Variants in MARK2 observed in about 807,000 individuals in gnomAD.
The protein encoded by MARK2 is microtubule affinity regulating kinase 2.
In MARK2, 16 loss-of-function variants were observed where a neutral mutation model predicts 89.8. The observed-to-expected ratio is 0.18, with a 90% confidence interval of 0.12 to 0.27. The LOEUF (loss-of-function observed/expected upper bound fraction) is 0.27. Ranked by LOEUF, MARK2 falls within the 10% of genes least tolerant of loss-of-function variation. MARK2 has a pLI of 1.00. For missense variants in MARK2, 621 were observed against 1,049.9 expected, an observed-to-expected ratio of 0.59 and a Z score of 5.65; for synonymous variants, 382 against 399.5, an observed-to-expected ratio of 0.96 and a Z score of 0.52.
intron 1 of MARK2, among the ~76,000 whole-genome samples, chr11:63,852,022 T>C (rs1032409542): frequency 6.6e-6 from 1 of 152,318 alleles, no homozygotes; most frequent in Non-Finnish European, 1.5e-5. Flanking sequence ...CTCTTTCAGG[T>C]GATGCACGAA....
At chr11:63,847,807 G>A (rs1231236958) in intron 1 of MARK2, among the ~76,000 whole-genome samples, 1 of 152,106 alleles carries the variant, frequency 6.6e-6, no homozygotes, top group African/African-American at 2.4e-5. Context: ...TCACAACTTG[G>A]TGAAAGACCC....
At chr11:63,839,594 G>A in intron 1 of MARK2, 34 bp downstream of exon 1, 1 of 1,420,802 alleles carries the variant, frequency 7.0e-7, no homozygotes, top group Non-Finnish European at 9.6e-7. Flanking sequence ...GAATTCTCTG[G>A]CTGGGCCCTT....
rs986202944 is a variant in MARK2, at chr11:63,903,403, A to G, written c.1514+245A>G. The G allele has an allele frequency of 2.9e-5, 15 of 519,812 alleles. No homozygotes were observed. The highest frequency in any genetic ancestry group is 5.8e-5 in the African/African-American group (3 of 51,928). The allele number at this position is 519,812 out of a possible 1,614,324, so 32.2% of individuals were successfully genotyped here. Reference sequence around the variant, plus strand: ...GGCTGACCGTGGCCATCTCAGCTACATGCTCGCTTCTTGACCACGGCCAGG... The same window carrying G: ...GGCTGACCGTGGCCATCTCAGCTACGTGCTCGCTTCTTGACCACGGCCAGG... On this transcript the variant is annotated intron_variant, in intron 14 of 18. Transcript: ENST00000402010. The surrounding 1 kb of genome is among the most constrained non-coding windows in gnomAD (Gnocchi z 5.1).
At chr11:63,842,063 T>C (rs1333056961) in intron 1 of MARK2, among the ~76,000 whole-genome samples, 2 of 152,182 alleles carry the variant, frequency 1.3e-5, no homozygotes, top group Non-Finnish European at 2.9e-5. Context: ...TTCTACTCTT[T>C]ATGGACTTAG....
intron 1 of MARK2, among the ~76,000 whole-genome samples, chr11:63,874,981 C>T: frequency 6.6e-6 from 1 of 152,224 alleles, no homozygotes; most frequent in East Asian, 1.9e-4. Context: ...GAGACTGTCT[C>T]ACTCTGTCGC....
intron 1 of MARK2, among the ~76,000 whole-genome samples, chr11:63,872,729 A>C (rs1938525715): frequency 6.6e-6 from 1 of 152,168 alleles, no homozygotes; most frequent in Admixed American, 6.5e-5. Flanking sequence ...CACGTTCTCC[A>C]AAATTCTTAT....
intron 7 of MARK2, 26 bp downstream of exon 7, chr11:63,899,134 C>T: frequency 2.6e-6 from 4 of 1,543,050 alleles, no homozygotes; most frequent in Non-Finnish European, 3.6e-6. Context: ...CTCCTTGTGC[C>T]TTTGAGTGGG....
At chr11:63,886,029 T>C (rs1939375525) in intron 1 of MARK2, among the ~76,000 whole-genome samples, 1 of 151,222 alleles carries the variant, frequency 6.6e-6, no homozygotes. Context: ...CTCGGGAGGC[T>C]GAGGCAGGAG....
Position 63,908,323 on chromosome 11 carries a change from G to C in MARK2, c.2006+19G>C, listed in dbSNP as rs1252912126. ...CGCTCAGGTGAGAGGGCTGGAGCCA[G>C]CACTGGCCCTGCCCGGGCCACCGGG... On this transcript the variant is annotated intron_variant, in intron 18 of 18. Transcript: ENST00000402010. The C allele has an allele frequency of 3.2e-6, 5 of 1,554,762 alleles. No homozygotes were observed. Among genetic ancestry groups the C allele is most frequent in the African/African-American group, 1.4e-5 (1 of 73,388 alleles).
At chr11:63,888,406 G>T in intron 1 of MARK2, 1 of 395,994 alleles carries the variant, frequency 2.5e-6, no homozygotes, top group Non-Finnish European at 3.5e-6. Flanking sequence ...GACAGCCGTG[G>T]CTGCAGTGAG....
chr11:63,868,547 C>A, intron 1 of MARK2: 1 of 305,046 alleles, frequency 3.3e-6, no homozygotes, highest in Non-Finnish European at 6.6e-6. Flanking sequence ...AAATTTACAC[C>A]ATTGCTGGAT....
chr11:63,869,798 T>A (rs1215405647), intron 1 of MARK2, among the ~76,000 whole-genome samples: 1 of 152,152 alleles, frequency 6.6e-6, no homozygotes, highest in Non-Finnish European at 1.5e-5. Flanking sequence ...TTGACATAAG[T>A]CAAGGTCAGG....
At position 63,901,692 on chromosome 11, in the gene MARK2, C is replaced by CTGTGTGTGTGTGTGTGTG. The variant is rs56308004; in HGVS notation, c.1102-492_1102-475dup. On this transcript the variant is annotated intron_variant, in intron 11 of 18. Transcript: ENST00000402010. ...GTGCTTTATGTTTGGGTGTGTGTATCTGTGTGTGTGTGTGTGTGTGTGTGT... is the reference window on the plus strand; with the variant it reads ...GTGCTTTATGTTTGGGTGTGTGTATCTGTGTGTGTGTGTGTGTGTGTGTGTGTGTGTGTGTGTGTGTGT... Among the ~76,000 whole-genome samples, 13 of 134,806 alleles carry CTGTGTGTGTGTGTGTGTG rather than the reference C, an allele frequency of 9.6e-5. No homozygotes were observed. In the East Asian group the frequency reaches 3.1e-3, roughly 32 times the overall value. 88.4% of individuals were successfully genotyped at this position (134,806 alleles called of 152,430 possible).
intron 18 of MARK2, 80 bp from the exon 19 acceptor site, chr11:63,908,797 A>T: frequency 1.5e-6 from 2 of 1,376,834 alleles, no homozygotes; most frequent in Admixed American, 5.5e-5. Context: ...CTCTGGGCTC[A>T]GGGGCTGTCT....
intron 1 of MARK2, among the ~76,000 whole-genome samples, chr11:63,857,947 A>G (rs562233253): frequency 1.3e-4 from 20 of 152,278 alleles, no homozygotes; most frequent in African/African-American, 4.1e-4. Context: ...GGCTCAAGCA[A>G]TCCTCTCATC....
intron 1 of MARK2, among the ~76,000 whole-genome samples, chr11:63,847,357 G>T (rs191910016): frequency 6.6e-6 from 1 of 152,306 alleles, no homozygotes; most frequent in Admixed American, 6.5e-5. Flanking sequence ...ACTGATACTG[G>T]TGGCTAGGTG....
intron 3 of MARK2, among the ~76,000 whole-genome samples, chr11:63,897,774 G>C (rs1940537816): frequency 6.6e-6 from 1 of 152,218 alleles, no homozygotes; most frequent in South Asian, 2.1e-4. Flanking sequence ...CCCTAGAACA[G>C]AGCCCTCTGA....
chr11:63,868,916 AC>A (rs1287662648), intron 1 of MARK2: 3 of 455,598 alleles, frequency 6.6e-6, no homozygotes, highest in East Asian at 6.9e-5. Context: ...GATGGTGAGG[AC>A]CCAGATTTTC....
chr11:63,910,979 C>T lies in MARK2; in HGVS notation c.*1742C>T, dbSNP rs1422467583. On this transcript the variant is annotated 3_prime_UTR_variant, in exon 19 of 19. Coordinates refer to ENST00000402010, the MANE Select transcript of MARK2 (RefSeq NM_001039469.3). ...TCCCCAACCCTGCACTTAGTTTCTC[C>T]TCTGGATCAAACACGTAATAAAGAG... The T allele has an allele frequency of 6.6e-6, 1 of 152,332 alleles. No individual in the cohort carries two copies. The highest frequency in any genetic ancestry group is 1.5e-5 in the Non-Finnish European group (1 of 68,076). 9.4% of individuals were successfully genotyped at this position (152,332 alleles called of 1,614,324 possible).
Sources: gnomAD v4.1 joint callset for allele counts (sites outside exome capture counted in the v4.1 genomes callset) on GRCh38, gnomAD v4.1.1 for gene constraint, Gnocchi (gnomAD v3.1) non-coding constraint, MANE v1.5 for transcripts, NCBI Gene and HGNC (gene_info 2026-07-23, HGNC 2026-07-21) for gene names.